THSD4: variants seen among roughly 807,000 people sequenced by gnomAD.
The protein encoded by THSD4 is thrombospondin type-1 domain-containing protein 4.
Under a neutral mutation model 119.0 loss-of-function variants are expected in THSD4, and 69 were observed. That is an observed-to-expected ratio of 0.58 (90% confidence interval 0.48 to 0.71). THSD4 has a LOEUF of 0.71. Among genes scored for constraint, THSD4 ranks in the 30% least tolerant of loss-of-function variants. The pLI, the probability that THSD4 is intolerant of heterozygous loss-of-function variation, is 0.00. For missense variants in THSD4, 1,393 were observed against 1,391.1 expected (o/e 1.00, Z -0.02); for synonymous variants, 524 against 540.4 (o/e 0.97, Z 0.42).
At chr15:71,338,667 G>C (rs1265229750) in intron 6 of THSD4, among the ~76,000 whole-genome samples, 3 of 152,052 alleles carry the variant, frequency 2.0e-5, no homozygotes, top group African/African-American at 7.2e-5. Context: ...CTGTTGTTTG[G>C]GCTTGGTTAA....
At chr15:71,633,342 C>T (rs1303537422) in intron 7 of THSD4, among the ~76,000 whole-genome samples, 2 of 133,316 alleles carry the variant, frequency 1.5e-5, no homozygotes, top group African/African-American at 5.7e-5. Flanking sequence ...GTGGCGCAAT[C>T]ATAGCTCACT....
intron 6 of THSD4, among the ~76,000 whole-genome samples, chr15:71,268,534 A>G (rs2044490170): frequency 6.6e-6 from 1 of 152,178 alleles, no homozygotes; most frequent in Admixed American, 6.5e-5. Context: ...CCCCAACACT[A>G]CAATTAAAAG....
intron 7 of THSD4, among the ~76,000 whole-genome samples, chr15:71,592,155 G>A (rs1170022913): frequency 6.6e-6 from 1 of 152,242 alleles, no homozygotes; most frequent in East Asian, 1.9e-4. Context: ...CATTGAAAGA[G>A]AAAAGTACAC....
rs371792726 is a variant in THSD4, at chr15:71,372,752, C to T, written c.1016-38935C>T. Among the ~76,000 whole-genome samples, 95 of 152,348 alleles carry T rather than the reference C, an allele frequency of 6.2e-4. 1 individual carries two copies. In the East Asian group the frequency reaches 9.5e-3, roughly 15 times the overall value. ...GACCCACTTGAGGGGGCAGTCTGCC[C>T]GTTCTCACATCTCAAACTCCGTACT... On this transcript the variant is annotated intron_variant, in intron 6 of 17. Coordinates refer to ENST00000261862, the MANE Select transcript of THSD4 (RefSeq NM_024817.3).
chr15:71,529,015 A>G, intron 7 of THSD4, among the ~76,000 whole-genome samples: 1 of 152,204 alleles, frequency 6.6e-6, no homozygotes, highest in East Asian at 1.9e-4. Context: ...GCTAGGCCGT[A>G]TTTCCCAGCC....
intron 7 of THSD4, among the ~76,000 whole-genome samples, chr15:71,659,262 T>G (rs1260191134): frequency 6.6e-6 from 1 of 152,198 alleles, no homozygotes; most frequent in Non-Finnish European, 1.5e-5. Flanking sequence ...TCTACCCACT[T>G]CCATCTGCTC....
intron 6 of THSD4, among the ~76,000 whole-genome samples, chr15:71,328,252 T>C (rs951895359): frequency 6.6e-6 from 1 of 152,226 alleles, no homozygotes; most frequent in Non-Finnish European, 1.5e-5. Context: ...TAGTGGCCAC[T>C]TGGGGATCTC....
chr15:71,220,444 G>A (rs1239231553), intron 4 of THSD4, among the ~76,000 whole-genome samples: 3 of 152,112 alleles, frequency 2.0e-5, no homozygotes, highest in Non-Finnish European at 4.4e-5. Context: ...CAAGGATTCC[G>A]AGCTTAGGAC....
rs1241479790 is a variant in THSD4, at chr15:71,745,301, C to A, written c.2036+66C>A. 1.9e-6 allele frequency: 3 copies of A among 1,576,654 alleles called. No individual in the cohort carries two copies. The East Asian group carries it at 6.8e-5, about 36-fold the overall frequency. On this transcript the variant is annotated intron_variant, in intron 12 of 17. Coordinates refer to ENST00000261862, the MANE Select transcript of THSD4 (RefSeq NM_024817.3). ...ACTTCAGGTCACTTATGCACAGGAC[C>A]TTAGGAACAGATATAAGTCAGTCTA...
chr15:71,463,716 C>T (rs931503916), intron 7 of THSD4, among the ~76,000 whole-genome samples: 1 of 152,110 alleles, frequency 6.6e-6, no homozygotes, highest in African/African-American at 2.4e-5. Flanking sequence ...CCTTTAGGAC[C>T]AGGGATTACC....
chr15:71,440,899 A>T (rs1478424313), intron 7 of THSD4, among the ~76,000 whole-genome samples: 1 of 152,186 alleles, frequency 6.6e-6, no homozygotes, highest in African/African-American at 2.4e-5. Context: ...GCAATTATGT[A>T]TGGACATGCA....
chr15:71,615,251 A>G (rs752756408), intron 7 of THSD4, among the ~76,000 whole-genome samples: 25 of 152,184 alleles, frequency 1.6e-4, no homozygotes, highest in Non-Finnish European at 1.5e-4. Context: ...TGGAATCTCT[A>G]TTTTTAGAAA....
At chr15:71,553,069 T>TAAC (rs2048957071) in intron 7 of THSD4, among the ~76,000 whole-genome samples, 1 of 152,250 alleles carries the variant, frequency 6.6e-6, no homozygotes, top group Non-Finnish European at 1.5e-5. Flanking sequence ...AAATCGTTGT[T>TAAC]AACAATTTAG....
chr15:71,706,828 G>A (rs1595879329), intron 8 of THSD4, among the ~76,000 whole-genome samples: 1 of 152,320 alleles, frequency 6.6e-6, no homozygotes, highest in African/African-American at 2.4e-5. Flanking sequence ...TATCTAGGAA[G>A]TTTGACACTG....
rs145825356 is a variant in THSD4 at position 71,242,991 on chromosome 15, C to T, written c.807C>T (p.His269=). The T allele has an allele frequency of 4.2e-5, 68 of 1,614,230 alleles. No individual in the cohort carries two copies. The African/African-American group carries it at 6.4e-4, about 15-fold the overall frequency. The change falls in exon 5 of 18, where the codon CAC becomes CAT. Residue 269 remains histidine, a synonymous_variant. Coordinates refer to ENST00000261862, the MANE Select transcript of THSD4 (RefSeq NM_024817.3). ...ACAGCCCAGAAACAAGCAACAACCA[C>T]GGTGTGGGGACCCATGGGGCAACTC... ...LFHSPETSNN[H]GVGTHGATQS...
chr15:71,288,911 T>C (rs1174589407), intron 6 of THSD4, among the ~76,000 whole-genome samples: 2 of 152,198 alleles, frequency 1.3e-5, no homozygotes, highest in African/African-American at 4.8e-5. Context: ...GAAGGAAATA[T>C]AACACTCAAT....
chr15:71,163,147 T>C (rs912471034), intron 3 of THSD4, among the ~76,000 whole-genome samples: 1 of 151,986 alleles, frequency 6.6e-6, no homozygotes, highest in Admixed American at 6.6e-5. Flanking sequence ...TTCTTTGGGG[T>C]CAGTTAATGA....
intron 7 of THSD4, among the ~76,000 whole-genome samples, chr15:71,560,702 G>T (rs1207625403): frequency 6.6e-6 from 1 of 152,046 alleles, no homozygotes; most frequent in Admixed American, 6.5e-5. Context: ...TCTTTTCTCT[G>T]TGTGGGTATG....
chr15:71,657,739 G>A (rs116829561), intron 7 of THSD4, among the ~76,000 whole-genome samples: 3 of 152,076 alleles, frequency 2.0e-5, no homozygotes, highest in South Asian at 2.1e-4. Flanking sequence ...AGGCTACTTC[G>A]ACATCTACCA....
Sources: allele counts gnomAD v4.1 joint callset (sites outside exome capture counted in the v4.1 genomes callset), GRCh38; gene constraint gnomAD v4.1.1; transcripts MANE v1.5; gene names NCBI Gene and HGNC (gene_info 2026-07-23, HGNC 2026-07-21).